Variants in RAP1GAP2 observed in about 807,000 individuals in gnomAD.
The protein encoded by RAP1GAP2 is RAP1 GTPase activating protein 2.
Under a neutral mutation model 95.0 loss-of-function variants are expected in RAP1GAP2, and 27 were observed. The observed-to-expected ratio is 0.28, with a 90% CI of 0.21 to 0.39. RAP1GAP2 has a LOEUF of 0.39. Ranked by LOEUF, RAP1GAP2 falls within the 10% of genes least tolerant of loss-of-function variation. The pLI is 1.00. For missense variants in RAP1GAP2, 771 were observed against 970.0 expected, an observed-to-expected ratio of 0.79 and a Z score of 2.72; for synonymous variants, 373 against 380.9, an observed-to-expected ratio of 0.98 and a Z score of 0.24.
At chr17:2,879,883 G>A (rs1377174119) in intron 2 of RAP1GAP2, among the ~76,000 whole-genome samples, 4 of 152,094 alleles carry the variant, frequency 2.6e-5, no homozygotes, top group Non-Finnish European at 5.9e-5. Flanking sequence ...TGGAGAGTTT[G>A]GGGGGCTGGT....
rs150972481 is a variant in RAP1GAP2, at chr17:2,950,745, G to A, written c.166-7014G>A. 2.7e-3 allele frequency among the ~76,000 whole-genome samples: 410 copies of A among 151,622 alleles called. 2 individuals carry two copies. The highest frequency in any genetic ancestry group is 9.7e-3 in the African/African-American group (399 of 41,276). ...CCTGCCTCAGCCTCCCAAATAGCTG[G>A]GATTACAGGTGCCCGCCACCATGCC... On this transcript the variant is annotated intron_variant, in intron 3 of 24. Coordinates refer to ENST00000254695, the MANE Select transcript of RAP1GAP2 (RefSeq NM_015085.5).
intron 1 of RAP1GAP2, among the ~76,000 whole-genome samples, chr17:2,778,262 CA>C (rs1313080748): frequency 2.2e-5 from 3 of 135,688 alleles, no homozygotes; most frequent in Non-Finnish European, 4.6e-5. Context: ...TCCCAGATAT[CA>C]AGTAGTTGGA....
chr17:2,985,318 G>A (rs1402696175), intron 11 of RAP1GAP2, among the ~76,000 whole-genome samples: 2 of 151,690 alleles, frequency 1.3e-5, no homozygotes, highest in African/African-American at 2.4e-5. Context: ...CATTCTTCCT[G>A]GCTGCCTCGT....
chr17:2,901,119 G>C (rs1037194953), intron 2 of RAP1GAP2, among the ~76,000 whole-genome samples: 2 of 152,140 alleles, frequency 1.3e-5, no homozygotes, highest in Admixed American at 1.3e-4. Context: ...ATTTGCATTT[G>C]GCCAACGCTG....
At chr17:2,995,594 C>A (rs112828498) in intron 13 of RAP1GAP2, 128 bp downstream of exon 13, 1 of 1,298,776 alleles carries the variant, frequency 7.7e-7, no homozygotes, top group Non-Finnish European at 1.1e-6. Flanking sequence ...CGTTCAGCTG[C>A]GCAGCAGCGT....
chr17:2,927,295 A>G (rs2042991319), intron 3 of RAP1GAP2, among the ~76,000 whole-genome samples: 1 of 151,878 alleles, frequency 6.6e-6, no homozygotes, highest in Non-Finnish European at 1.5e-5. Flanking sequence ...CTGGGACTAC[A>G]GGCACCCGCC....
At chr17:2,891,859 C>A (rs1159696824) in intron 2 of RAP1GAP2, among the ~76,000 whole-genome samples, 3 of 109,598 alleles carry the variant, frequency 2.7e-5, no homozygotes, top group Non-Finnish European at 5.1e-5. Flanking sequence ...GTTTCACTCT[C>A]GTCTCCCAGG....
chr17:2,848,368 A>T (rs2071676223), intron 2 of RAP1GAP2, among the ~76,000 whole-genome samples: 1 of 151,980 alleles, frequency 6.6e-6, no homozygotes, highest in Non-Finnish European at 1.5e-5. Context: ...GCCTGCGTTT[A>T]TCACGGAACG....
chr17:2,962,689 A>C lies in RAP1GAP2; in HGVS notation c.221A>C (p.Gln74Pro). 1 of 1,594,514 alleles carries C rather than the reference A, an allele frequency of 6.3e-7. No individual in the cohort carries two copies. The highest frequency in any genetic ancestry group is 1.1e-5 in the South Asian group (1 of 87,692). Reference protein sequence around the residue: ...EKMQGIKLEEQKPGPQKNKDD... With the variant: ...EKMQGIKLEEPKPGPQKNKDD... The stretch of plus-strand genomic sequence containing the variant: ...CTATAGGGGATCAAGCTTGAAGAGC[A>C]GAAGCCGGGACCCCAGAAGAACAAG... Residue 74 changes from glutamine (Q) to proline (P), a missense_variant, in exon 5 of 25, where the codon CAG (glutamine) becomes CCG (proline). Coordinates refer to ENST00000254695, the MANE Select transcript of RAP1GAP2 (RefSeq NM_015085.5).
In RAP1GAP2 at chr17:3,005,718, C is replaced by A. The variant is rs987122152; in HGVS notation, c.1273-237C>A. ...TGAGCCCCGGTCAAGGAGCCTTGGG[C>A]AGGAATGAGCTCCAGTCGTGGAAGT... On this transcript the variant is annotated intron_variant, in intron 15 of 24. Transcript: ENST00000254695. The surrounding 1 kb of genome is among the most constrained non-coding windows in gnomAD (Gnocchi z 5.2). Among the ~76,000 whole-genome samples the A allele has an allele frequency of 6.6e-6, 1 of 152,128 alleles. No individual in the cohort carries two copies. Among genetic ancestry groups the A allele is most frequent in the African/African-American group, 2.4e-5 (1 of 41,426 alleles).
At chr17:2,880,785 C>T (rs1376262615) in intron 2 of RAP1GAP2, among the ~76,000 whole-genome samples, 1 of 152,034 alleles carries the variant, frequency 6.6e-6, no homozygotes, top group African/African-American at 2.4e-5. Flanking sequence ...TGCTGTATTT[C>T]CATTGTACTT....
chr17:3,019,940 C>T (rs1246680380), intron 18 of RAP1GAP2, among the ~76,000 whole-genome samples: 2 of 152,238 alleles, frequency 1.3e-5, no homozygotes, highest in Non-Finnish European at 2.9e-5. Context: ...TTGGCTGCCG[C>T]CAACCGCCCA....
At position 2,950,061 on chromosome 17, in the gene RAP1GAP2, C is replaced by CTTCTTTTT. The variant is rs1555575129; in HGVS notation, c.166-7696_166-7695insCTTTTTTT. On this transcript the variant is annotated intron_variant, in intron 3 of 24. Coordinates refer to ENST00000254695, the MANE Select transcript of RAP1GAP2 (RefSeq NM_015085.5). ...TTCTTTTCTTCTTCTTCTTCTTCTT[C>CTTCTTTTT]TTTTTTTTTTGAGATGGAGTCTTGC... 5.4e-3 allele frequency among the ~76,000 whole-genome samples: 764 copies of CTTCTTTTT among 141,286 alleles called. 11 individuals are homozygous for CTTCTTTTT. Among genetic ancestry groups the CTTCTTTTT allele is most frequent in the African/African-American group, 0.019 (694 of 37,160 alleles). 92.7% of individuals were successfully genotyped at this position (141,286 alleles called of 152,430 possible).
rs149111179 is a variant in RAP1GAP2 at position 2,928,653 on chromosome 17, C to G, written c.165+23285C>G. ...CCGGCAGGGCGAGTAAACAGGCACACATGTTTAAAATTCAATATCACTGGC... is the reference window on the plus strand; with the variant it reads ...CCGGCAGGGCGAGTAAACAGGCACAGATGTTTAAAATTCAATATCACTGGC... On this transcript the variant is annotated intron_variant, in intron 3 of 24. Coordinates refer to ENST00000254695, the MANE Select transcript of RAP1GAP2 (RefSeq NM_015085.5). Among the ~76,000 whole-genome samples the G allele has an allele frequency of 3.1e-3, 469 of 152,296 alleles. 2 individuals carry two copies. The highest frequency in any genetic ancestry group is 0.011 in the African/African-American group (450 of 41,550).
intron 2 of RAP1GAP2, among the ~76,000 whole-genome samples, chr17:2,810,019 CTCCCCT>C (rs386794548): frequency 3.5e-5 from 3 of 86,328 alleles, no homozygotes; most frequent in Non-Finnish European, 5.2e-5. Flanking sequence ...TGCTGGGACC[CTCCCCT>C]CCCCCCGCCC....
intron 3 of RAP1GAP2, among the ~76,000 whole-genome samples, chr17:2,939,699 G>T (rs8064891): frequency 0.24 from 36,551 of 151,982 alleles, 4,519 homozygotes; most frequent in Middle Eastern, 0.32. Context: ...AGGGATGGAG[G>T]GGGGAGGCTT....
intron 2 of RAP1GAP2, among the ~76,000 whole-genome samples, chr17:2,847,453 T>C (rs1193531363): frequency 6.6e-6 from 1 of 152,100 alleles, no homozygotes; most frequent in African/African-American, 2.4e-5. Flanking sequence ...TCTCACATAG[T>C]TGTAATTCGT....
intron 3 of RAP1GAP2, among the ~76,000 whole-genome samples, chr17:2,953,568 C>T (rs746086415): frequency 3.3e-5 from 5 of 151,988 alleles, no homozygotes; most frequent in South Asian, 2.1e-4. Context: ...ACAATTTGGC[C>T]GGGTACGATG....
chr17:2,979,550 C>A (rs1275634115), intron 8 of RAP1GAP2, among the ~76,000 whole-genome samples: 2 of 150,314 alleles, frequency 1.3e-5, no homozygotes, highest in Non-Finnish European at 3.0e-5. Flanking sequence ...CACTGCAACC[C>A]CCACTTCCTG....
Sources: gnomAD v4.1 joint callset for allele counts (sites outside exome capture counted in the v4.1 genomes callset) on GRCh38, gnomAD v4.1.1 for gene constraint, Gnocchi (gnomAD v3.1) non-coding constraint, MANE v1.5 for transcripts, NCBI Gene and HGNC (gene_info 2026-07-23, HGNC 2026-07-21) for gene names.